Variants in PDE4B observed in about 807,000 individuals in gnomAD.
PDE4B encodes the protein 3',5'-cyclic-AMP phosphodiesterase 4B.
A neutral mutation model predicts 82.2 loss-of-function variants in PDE4B; 20 were observed. That is an observed-to-expected ratio of 0.24 (90% CI 0.17 to 0.35). PDE4B has a LOEUF of 0.35. PDE4B is among the 10% of genes least tolerant of loss of function. PDE4B has a pLI of 1.00. For missense variants in PDE4B, 655 were observed against 907.2 expected (o/e 0.72, Z 3.57); for synonymous variants, 320 against 318.9 (o/e 1.00, Z -0.04).
At chr1:65,818,673 C>CAA (rs1645913647) in intron 1 of PDE4B, among the ~76,000 whole-genome samples, 1 of 54,364 alleles carries the variant, frequency 1.8e-5, no homozygotes, top group South Asian at 6.2e-4. Context: ...CATATATATT[C>CAA]ACACACACAC....
intron 3 of PDE4B, among the ~76,000 whole-genome samples, chr1:66,100,100 C>T (rs982784717): frequency 6.6e-6 from 1 of 152,114 alleles, no homozygotes; most frequent in African/African-American, 2.4e-5. Context: ...GTTGCCCAGG[C>T]TGAAGTTCTG....
At chr1:66,190,725 G>C (rs1490496982) in intron 3 of PDE4B, among the ~76,000 whole-genome samples, 5 of 152,242 alleles carry the variant, frequency 3.3e-5, no homozygotes, top group Non-Finnish European at 7.4e-5. Flanking sequence ...GATTTTCCAG[G>C]TGCCATCTGT....
At chr1:66,366,746 C>T (rs1017763186) in intron 13 of PDE4B, among the ~76,000 whole-genome samples, 7 of 152,292 alleles carry the variant, frequency 4.6e-5, no homozygotes, top group Admixed American at 2.0e-4. Context: ...CAGTTAGCCT[C>T]ACACAGAAAA....
chr1:65,968,792 G>A (rs995497181), intron 3 of PDE4B, among the ~76,000 whole-genome samples: 1 of 152,088 alleles, frequency 6.6e-6, no homozygotes, highest in South Asian at 2.1e-4. Context: ...TATTTTTAGA[G>A]TACCAGAGTA....
chr1:66,324,298 C>T (rs1180643224), intron 7 of PDE4B, among the ~76,000 whole-genome samples: 1 of 152,044 alleles, frequency 6.6e-6, no homozygotes, highest in Non-Finnish European at 1.5e-5. Flanking sequence ...ATGTCTCCTT[C>T]ATTCTCCCTC....
chr1:65,915,832 C>G (rs541389159), intron 2 of PDE4B, among the ~76,000 whole-genome samples: 1 of 152,178 alleles, frequency 6.6e-6, no homozygotes, highest in East Asian at 1.9e-4. Context: ...AAGGATAATC[C>G]AAAACTACGT....
At chr1:66,003,812 C>T (rs991926085) in intron 3 of PDE4B, among the ~76,000 whole-genome samples, 1 of 152,124 alleles carries the variant, frequency 6.6e-6, no homozygotes, top group African/African-American at 2.4e-5. Context: ...CCTAACTGCC[C>T]AAGACTTCCT....
chr1:66,122,166 G>C (rs141740730), intron 3 of PDE4B, among the ~76,000 whole-genome samples: 3 of 152,148 alleles, frequency 2.0e-5, no homozygotes, highest in African/African-American at 7.2e-5. Flanking sequence ...TTCTTTGAGC[G>C]TCCATTTTTC....
intron 1 of PDE4B, among the ~76,000 whole-genome samples, chr1:65,877,729 T>C (rs1260170390): frequency 6.6e-6 from 1 of 151,542 alleles, no homozygotes; most frequent in Non-Finnish European, 1.5e-5. Flanking sequence ...TATACAAAAA[T>C]TAACTCAAGA....
intron 7 of PDE4B, among the ~76,000 whole-genome samples, chr1:66,285,047 C>G (rs565984532): frequency 1.3e-5 from 2 of 152,116 alleles, no homozygotes; most frequent in African/African-American, 2.4e-5. Flanking sequence ...GAGCTTTAGC[C>G]TCCTCATCTA....
At chr1:66,089,468 A>C (rs1013357475) in intron 3 of PDE4B, among the ~76,000 whole-genome samples, 3 of 152,096 alleles carry the variant, frequency 2.0e-5, no homozygotes, top group Non-Finnish European at 2.9e-5. Context: ...CAAGGACAGG[A>C]CTGAGTGGTC....
chr1:66,282,149 C>T (rs990418348), intron 7 of PDE4B, among the ~76,000 whole-genome samples: 17 of 152,184 alleles, frequency 1.1e-4, no homozygotes, highest in African/African-American at 4.1e-4. Flanking sequence ...ACTTGTTCTT[C>T]AGCAACATTT....
At chr1:66,233,296 G>A (rs781731472) in intron 3 of PDE4B, among the ~76,000 whole-genome samples, 3 of 152,004 alleles carry the variant, frequency 2.0e-5, no homozygotes, top group Non-Finnish European at 2.9e-5. Context: ...TCCATGTTAC[G>A]GCAGTTGTCA....
chr1:66,255,313 C>T (rs1202342904), intron 4 of PDE4B, among the ~76,000 whole-genome samples: 3 of 152,124 alleles, frequency 2.0e-5, no homozygotes, highest in Non-Finnish European at 2.9e-5. Flanking sequence ...GTCTCAAACT[C>T]CCAACCTCAG....
chr1:66,369,364 T>TCCTTAATCAAGCCCAC (rs1553177872), intron 16 of PDE4B, among the ~76,000 whole-genome samples: 1 of 152,224 alleles, frequency 6.6e-6, no homozygotes, highest in Non-Finnish European at 1.5e-5. Flanking sequence ...TTATCTTCTG[T>TCCTTAATCAAGCCCAC]CCTTAATCAA....
intron 3 of PDE4B, among the ~76,000 whole-genome samples, chr1:66,030,248 T>C (rs537102929): frequency 1.8e-3 from 280 of 152,262 alleles, no homozygotes; most frequent in African/African-American, 6.5e-3. Flanking sequence ...CTGGACCTGG[T>C]TTTCTAGTAT....
chr1:66,355,701 A>C, intron 9 of PDE4B, 81 bp downstream of exon 9: 26 of 748,050 alleles, frequency 3.5e-5, no homozygotes, highest in Non-Finnish European at 4.9e-5. Context: ...GGACATCCTC[A>C]TGTGAATTTG....
In PDE4B at chr1:66,351,893, C is replaced by G. The variant is rs1016584022; in HGVS notation, c.748-3634C>G. Among the ~76,000 whole-genome samples, 3 of 152,178 alleles carry G rather than the reference C, an allele frequency of 2.0e-5. No individual in the cohort carries two copies. In the East Asian group the frequency reaches 5.8e-4, roughly 29 times the overall value. On this transcript the variant is annotated intron_variant, in intron 8 of 16. Transcript: ENST00000341517. ...AACATAATTCATATCTATTCTATTT[C>G]TTAATGTGTCTCATCACACAGTTAA... is the stretch of plus-strand genomic sequence containing the variant.
rs576930646 is a variant in PDE4B at position 65,884,158 on chromosome 1, G to A, written c.-70-29087G>A. On this transcript the variant is annotated intron_variant, in intron 1 of 16. Transcript: ENST00000341517. ...CTCTGCCAGGCTTTGGTATCAGGAT[G>A]ATGCTGGCCTCATAAAATGAGTTAG... is the stretch of plus-strand genomic sequence containing the variant. 5.9e-5 allele frequency among the ~76,000 whole-genome samples: 9 copies of A among 152,270 alleles called. No individual in the cohort carries two copies. The East Asian group carries it at 1.7e-3, about 29-fold the overall frequency.
Sources: allele counts gnomAD v4.1 joint callset (sites outside exome capture counted in the v4.1 genomes callset), GRCh38; gene constraint gnomAD v4.1.1; transcripts MANE v1.5; gene names NCBI Gene and HGNC (gene_info 2026-07-23, HGNC 2026-07-21).